DTNA: variants seen among roughly 807,000 people sequenced by gnomAD.
DTNA encodes dystrophin-related protein 3.
DTNA carries 43 observed loss-of-function variants against 100.7 expected under a neutral mutation model. The ratio of observed to expected loss-of-function variants is 0.43; its 90% confidence interval spans 0.33 to 0.55. The LOEUF is 0.55. Ranked by LOEUF, DTNA falls within the 20% of genes least tolerant of loss-of-function variation. The probability of loss-of-function intolerance (pLI) is 0.04; values close to 1 mark genes in which losing one functional copy is unlikely to be tolerated. For missense variants in DTNA, 798 were observed against 953.9 expected, an observed-to-expected ratio of 0.84 and a Z score of 2.15; for synonymous variants, 349 against 347.9, an observed-to-expected ratio of 1.00 and a Z score of -0.04.
At chr18:34,833,863 G>C (rs1161367859) in intron 11 of DTNA, among the ~76,000 whole-genome samples, 4 of 152,182 alleles carry the variant, frequency 2.6e-5, no homozygotes, top group African/African-American at 9.6e-5. Context: ...CTGATTTGAA[G>C]ACAAGGCATG....
chr18:34,784,056 C>T (rs9949040), intron 3 of DTNA, among the ~76,000 whole-genome samples: 21,443 of 152,008 alleles, frequency 0.14, 1,595 homozygotes, highest in African/African-American at 0.17. Flanking sequence ...ATCTAAGAAG[C>T]TGATTATACC....
At chr18:34,825,710 G>A (rs2095845095) in intron 9 of DTNA, among the ~76,000 whole-genome samples, 1 of 152,088 alleles carries the variant, frequency 6.6e-6, no homozygotes, top group Non-Finnish European at 1.5e-5. Flanking sequence ...TTTCAGCTTT[G>A]TAGTGACCAG....
At chr18:34,632,883 G>A (rs2058240496) in intron 1 of DTNA, among the ~76,000 whole-genome samples, 2 of 152,038 alleles carry the variant, frequency 1.3e-5, no homozygotes, top group Non-Finnish European at 2.9e-5. Context: ...TTAAGAGTTA[G>A]TATATCCTTT....
chr18:34,611,696 T>A (rs753601579), intron 1 of DTNA, among the ~76,000 whole-genome samples: 1 of 152,162 alleles, frequency 6.6e-6, no homozygotes, highest in East Asian at 1.9e-4. Context: ...GAGTCAGGAA[T>A]CAGAGTTTCT....
chr18:34,834,518 G>T (rs1255920809), intron 11 of DTNA, among the ~76,000 whole-genome samples: 1 of 151,768 alleles, frequency 6.6e-6, no homozygotes, highest in Non-Finnish European at 1.5e-5. Context: ...AAAAAAAAGA[G>T]GTTTATTTGG....
At chr18:34,684,306 A>C (rs1433109171) in intron 1 of DTNA, among the ~76,000 whole-genome samples, 3 of 151,948 alleles carry the variant, frequency 2.0e-5, no homozygotes, top group African/African-American at 7.3e-5. Context: ...CTTGCCCCCC[A>C]TCCCGCAACA....
At chr18:34,566,894 A>C (rs34145643) in intron 1 of DTNA, among the ~76,000 whole-genome samples, 2,756 of 152,330 alleles carry the variant, frequency 0.018, 44 homozygotes, top group Non-Finnish European at 0.028. Context: ...CTTTGAAGCC[A>C]TCATCACCTT....
chr18:34,875,406 G>A lies in DTNA; in HGVS notation c.1903+8G>A, dbSNP rs111817603. On this transcript the variant is annotated splice_region_variant and intron_variant, in intron 18 of 22. Coordinates refer to ENST00000444659, the MANE Select transcript of DTNA (RefSeq NM_001386795.1). ...AAGAGGCATTTGCACAAAGTAAGTG[G>A]CTTTATTTTTTGTTGTGGTCTGCTT... 2.5e-3 allele frequency: 3,998 copies of A among 1,614,078 alleles called. 62 individuals are homozygous for A. The African/African-American group carries it at 0.048, about 19-fold the overall frequency.
chr18:34,744,432 T>A (rs868019763), intron 1 of DTNA, among the ~76,000 whole-genome samples: 37 of 151,994 alleles, frequency 2.4e-4, no homozygotes, highest in African/African-American at 7.3e-4. Context: ...TTTCCCACCA[T>A]AATTTCCTGG....
intron 3 of DTNA, among the ~76,000 whole-genome samples, chr18:34,769,724 G>GTTTTTTTTTTTTTTTTTTTTTTTTT (rs1264439291): frequency 7.2e-5 from 3 of 41,432 alleles, no homozygotes; most frequent in Admixed American, 3.8e-4. Context: ...GCCCTCTGGG[G>GTTTTTTTTTTTTTTTTTTTTTTTTT]CTTTTTTTTT....
chr18:34,829,812 C>A (rs1376764132), intron 11 of DTNA, among the ~76,000 whole-genome samples: 1 of 152,170 alleles, frequency 6.6e-6, no homozygotes, highest in Non-Finnish European at 1.5e-5. Flanking sequence ...ATGGTAATTT[C>A]TAAGACTCTT....
intron 17 of DTNA, chr18:34,867,066 G>A (rs189321935): frequency 5.0e-5 from 61 of 1,229,644 alleles, no homozygotes; most frequent in South Asian, 2.9e-4. Flanking sequence ...CATGTACCAC[G>A]CTATGTATGA....
chr18:34,751,256 T>C (rs2092289902), intron 1 of DTNA, among the ~76,000 whole-genome samples: 1 of 152,258 alleles, frequency 6.6e-6, no homozygotes, highest in African/African-American at 2.4e-5. Flanking sequence ...CTTAAATCAA[T>C]GCTTTAATGC....
intron 1 of DTNA, among the ~76,000 whole-genome samples, chr18:34,501,575 A>G (rs2039928608): frequency 6.6e-6 from 1 of 152,152 alleles, no homozygotes; most frequent in Non-Finnish European, 1.5e-5. Context: ...TTCTCCAGTG[A>G]AATCACCTGG....
At chr18:34,707,549 T>C (rs1219966029), upstream of DTNA, among the ~76,000 whole-genome samples, 1 of 152,174 alleles carries the variant, frequency 6.6e-6, no homozygotes, top group Non-Finnish European at 1.5e-5. Flanking sequence ...TTAAATGCTC[T>C]AGTAACAGTG....
intron 1 of DTNA, among the ~76,000 whole-genome samples, chr18:34,536,519 A>G (rs536244548): frequency 2.0e-5 from 3 of 151,930 alleles, no homozygotes; most frequent in Non-Finnish European, 2.9e-5. Context: ...GACATTTAGC[A>G]TGTTTTTATA....
chr18:34,736,805 A>G (rs1447878922), intron 1 of DTNA, among the ~76,000 whole-genome samples: 1 of 152,228 alleles, frequency 6.6e-6, no homozygotes, highest in Non-Finnish European at 1.5e-5. Context: ...TTTAAAAGTA[A>G]TGATGCAAAA....
At chr18:34,879,495 C>A in intron 19 of DTNA, 56 bp from the exon 20 acceptor site, 1 of 1,576,898 alleles carries the variant, frequency 6.3e-7, no homozygotes, top group East Asian at 2.2e-5. Flanking sequence ...CCTTTATTTG[C>A]AGGTCATAAA....
At chr18:34,586,398 G>GT (rs927945060) in intron 1 of DTNA, among the ~76,000 whole-genome samples, 18 of 149,462 alleles carry the variant, frequency 1.2e-4, no homozygotes, top group Admixed American at 2.0e-4. Context: ...GTCTTGTCGG[G>GT]TTTTTTTTGT....
Sources: gnomAD v4.1 joint callset for allele counts (sites outside exome capture counted in the v4.1 genomes callset) on GRCh38, gnomAD v4.1.1 for gene constraint, MANE v1.5 for transcripts, NCBI Gene and HGNC (gene_info 2026-07-23, HGNC 2026-07-21) for gene names.